SPATS2L: variants seen among roughly 807,000 people sequenced by gnomAD.
The protein encoded by SPATS2L is spermatogenesis associated serine rich 2 like.
A neutral mutation model predicts 59.6 loss-of-function variants in SPATS2L; 30 were observed. The ratio of observed to expected loss-of-function variants is 0.50; its 90% CI spans 0.38 to 0.68. The LOEUF (loss-of-function observed/expected upper bound fraction) is 0.68. Ranked by LOEUF, SPATS2L falls within the 30% of genes least tolerant of loss-of-function variation. The pLI, the probability that SPATS2L is intolerant of heterozygous loss-of-function variation, is 0.00. For missense variants in SPATS2L, 615 were observed against 700.0 expected (o/e 0.88, Z 1.37); for synonymous variants, 252 against 263.5 (o/e 0.96, Z 0.42).
intron 6 of SPATS2L, among the ~76,000 whole-genome samples, chr2:200,424,623 C>T (rs542332364): frequency 6.6e-6 from 1 of 152,176 alleles, no homozygotes; most frequent in Admixed American, 6.5e-5. Flanking sequence ...TTCCTCCTGC[C>T]CTATGCTTCC....
At chr2:200,338,048 G>A (rs1035247023) in intron 2 of SPATS2L, among the ~76,000 whole-genome samples, 8 of 151,886 alleles carry the variant, frequency 5.3e-5, no homozygotes, top group African/African-American at 1.2e-4. Context: ...TTTTTGAGAC[G>A]GGGTCTCACT....
intron 2 of SPATS2L, among the ~76,000 whole-genome samples, chr2:200,375,322 G>T (rs928313704): frequency 6.6e-6 from 1 of 151,654 alleles, no homozygotes; most frequent in African/African-American, 2.4e-5. Context: ...TTTCTTTTTT[G>T]GACAAAAGTG....
intron 2 of SPATS2L, among the ~76,000 whole-genome samples, chr2:200,374,283 G>A (rs1031936171): frequency 1.3e-5 from 2 of 152,088 alleles, no homozygotes; most frequent in African/African-American, 4.8e-5. Flanking sequence ...TGCAAGCGAA[G>A]TTTCACTTTC....
At chr2:200,380,612 T>C (rs562786660) in intron 2 of SPATS2L, among the ~76,000 whole-genome samples, 1 of 152,292 alleles carries the variant, frequency 6.6e-6, no homozygotes, top group East Asian at 1.9e-4. Flanking sequence ...TTTTCTTTCT[T>C]CCCCCCACAA....
At chr2:200,368,286 A>G (rs755374649) in intron 2 of SPATS2L, among the ~76,000 whole-genome samples, 9 of 152,214 alleles carry the variant, frequency 5.9e-5, no homozygotes, top group Non-Finnish European at 1.0e-4. Flanking sequence ...AGTTGACTCA[A>G]TGAACTTAGA....
chr2:200,306,058 G>C (rs868351707), upstream of SPATS2L: 2 of 985,436 alleles, frequency 2.0e-6, no homozygotes, highest in African/African-American at 1.7e-5. Context: ...GGAGCCCAGT[G>C]TGCAGACCCG....
At chr2:200,354,603 G>A (rs1394744857) in intron 2 of SPATS2L, among the ~76,000 whole-genome samples, 7 of 140,590 alleles carry the variant, frequency 5.0e-5, no homozygotes, top group Admixed American at 1.4e-4. Flanking sequence ...GCAAGACTCC[G>A]TCTCAAAAAA....
intron 1 of SPATS2L, among the ~76,000 whole-genome samples, chr2:200,313,294 C>A (rs1158402497): frequency 6.6e-6 from 1 of 152,214 alleles, no homozygotes; most frequent in Non-Finnish European, 1.5e-5. Context: ...GACCACAGAT[C>A]TGGAGCTCTA....
chr2:200,362,136 A>G (rs1243164080), intron 2 of SPATS2L, among the ~76,000 whole-genome samples: 1 of 152,164 alleles, frequency 6.6e-6, no homozygotes, highest in Non-Finnish European at 1.5e-5. Flanking sequence ...AATCCCAGCT[A>G]CTCAGGAGAT....
intron 2 of SPATS2L, among the ~76,000 whole-genome samples, chr2:200,332,127 A>G (rs1310852581): frequency 3.3e-5 from 5 of 149,502 alleles, no homozygotes; most frequent in Non-Finnish European, 7.4e-5. Context: ...GAAAAATTTT[A>G]TTACAATATG....
intron 2 of SPATS2L, among the ~76,000 whole-genome samples, chr2:200,347,840 T>G (rs990486714): frequency 2.0e-5 from 3 of 152,258 alleles, no homozygotes; most frequent in Non-Finnish European, 2.9e-5. Flanking sequence ...TCATTTATAG[T>G]AAACGAAGTT....
At chr2:200,356,603 G>C (rs568497607) in intron 2 of SPATS2L, among the ~76,000 whole-genome samples, 2 of 152,308 alleles carry the variant, frequency 1.3e-5, no homozygotes, top group East Asian at 3.9e-4. Flanking sequence ...CATAGTGGAG[G>C]AAATGGAATT....
intron 1 of SPATS2L, among the ~76,000 whole-genome samples, chr2:200,322,199 G>T (rs1295949712): frequency 6.6e-6 from 1 of 152,140 alleles, no homozygotes; most frequent in African/African-American, 2.4e-5. Context: ...GCATTGATAT[G>T]ATTATTTGAT....
intron 12 of SPATS2L, 56 bp downstream of exon 12, chr2:200,473,108 A>C: frequency 6.8e-7 from 1 of 1,471,156 alleles, no homozygotes; most frequent in Non-Finnish European, 9.1e-7. Flanking sequence ...ACCTGTTTCC[A>C]GAGGAAGAAA....
intron 6 of SPATS2L, among the ~76,000 whole-genome samples, chr2:200,428,083 AAG>A (rs1477903743): frequency 6.6e-6 from 1 of 151,522 alleles, no homozygotes; most frequent in Non-Finnish European, 1.5e-5. Context: ...CAAAAAAAAA[AAG>A]GAGTTTTCTT....
At chr2:200,402,970 G>A (rs976010986) in intron 3 of SPATS2L, among the ~76,000 whole-genome samples, 5 of 152,190 alleles carry the variant, frequency 3.3e-5, no homozygotes, top group Non-Finnish European at 7.3e-5. Flanking sequence ...GGAGTGATAT[G>A]TCAGAACTTA....
At chr2:200,402,529 C>T (rs554845649) in intron 3 of SPATS2L, among the ~76,000 whole-genome samples, 2 of 152,320 alleles carry the variant, frequency 1.3e-5, no homozygotes, top group South Asian at 4.1e-4. Context: ...CCATCATTCT[C>T]GGTTTAAGCT....
intron 3 of SPATS2L, among the ~76,000 whole-genome samples, chr2:200,391,224 T>G (rs540355942): frequency 2.0e-5 from 3 of 152,318 alleles, no homozygotes; most frequent in Non-Finnish European, 4.4e-5. Context: ...CAATTAAAAA[T>G]CACAGATATT....
intron 2 of SPATS2L, among the ~76,000 whole-genome samples, chr2:200,375,774 A>G (rs2081578419): frequency 1.3e-5 from 2 of 152,092 alleles, no homozygotes; most frequent in Admixed American, 6.5e-5. Context: ...CTACAGGCAC[A>G]TGCAACCACA....
Sources: allele counts gnomAD v4.1 joint callset (sites outside exome capture counted in the v4.1 genomes callset), GRCh38; gene constraint gnomAD v4.1.1; transcripts MANE v1.5; gene names NCBI Gene and HGNC (gene_info 2026-07-23, HGNC 2026-07-21).